The following PPTC7 variants were observed in gnomAD, a reference collection of about 807,000 sequenced individuals.
The protein encoded by PPTC7 is protein phosphatase targeting COQ7, also known as protein phosphatase PTC7 homolog.
A neutral mutation model predicts 30.8 loss-of-function variants in PPTC7; 6 were observed. The observed-to-expected ratio is 0.19, with a 90% CI of 0.11 to 0.38. The LOEUF (loss-of-function observed/expected upper bound fraction) is 0.38. Among genes scored for constraint, PPTC7 ranks in the 10% least tolerant of loss-of-function variants. The pLI, the probability that PPTC7 is intolerant of heterozygous loss-of-function variation, is 1.00. For missense variants in PPTC7, 218 were observed against 404.8 expected, an observed-to-expected ratio of 0.54 and a Z score of 3.96; for synonymous variants, 163 against 168.1, an observed-to-expected ratio of 0.97 and a Z score of 0.23.
At chr12:110,573,372 A>G (rs1476432380) in intron 1 of PPTC7, among the ~76,000 whole-genome samples, 1 of 152,228 alleles carries the variant, frequency 6.6e-6, no homozygotes, top group Non-Finnish European at 1.5e-5. Context: ...GATGGGCTAT[A>G]CATGCAGGAG....
intron 1 of PPTC7, among the ~76,000 whole-genome samples, chr12:110,570,799 C>A (rs1009372833): frequency 1.3e-5 from 2 of 150,242 alleles, no homozygotes; most frequent in Non-Finnish European, 3.0e-5. Context: ...CCTGACACAT[C>A]CCCCTCTTTG....
chr12:110,582,322 G>A (rs923561101), intron 1 of PPTC7, among the ~76,000 whole-genome samples: 2 of 152,238 alleles, frequency 1.3e-5, no homozygotes, highest in African/African-American at 4.8e-5. Context: ...AAAGAATACG[G>A]CCGGGCTGTC....
chr12:110,543,460 G>A (rs1441232187), intron 3 of PPTC7, among the ~76,000 whole-genome samples: 2 of 151,626 alleles, frequency 1.3e-5, no homozygotes, highest in Non-Finnish European at 2.9e-5. Flanking sequence ...GAAAAAGACT[G>A]TAAAACTGGG....
chr12:110,576,720 A>C (rs2064591877), intron 1 of PPTC7, among the ~76,000 whole-genome samples: 1 of 151,706 alleles, frequency 6.6e-6, no homozygotes, highest in African/African-American at 2.4e-5. Flanking sequence ...GTGACTGCTA[A>C]TGGATAGGGG....
In PPTC7 at chr12:110,558,108, A is replaced by G. The variant is rs2064404383; in HGVS notation, c.224-6140T>C. On this transcript the variant is annotated intron_variant, in intron 1 of 5. Transcript: ENST00000354300. ...TGGGGAATTAGAAAATATTGATTAGATTATTCTACAGTTGGCAAGGGTGTG... is the reference window on the plus strand; with the variant it reads ...TGGGGAATTAGAAAATATTGATTAGGTTATTCTACAGTTGGCAAGGGTGTG... Among the ~76,000 whole-genome samples the G allele has an allele frequency of 3.3e-5, 5 of 152,220 alleles. 1 individual carries two copies. The highest frequency in any genetic ancestry group is 7.3e-5 in the Non-Finnish European group (5 of 68,044).
intron 1 of PPTC7, among the ~76,000 whole-genome samples, chr12:110,558,847 C>T (rs1565922332): frequency 2.6e-5 from 4 of 152,174 alleles, no homozygotes; most frequent in Admixed American, 2.6e-4. Context: ...ACTTCATGAT[C>T]CGCCCGCCTC....
intron 1 of PPTC7, among the ~76,000 whole-genome samples, chr12:110,570,114 T>C (rs2064521118): frequency 6.6e-6 from 1 of 151,868 alleles, no homozygotes; most frequent in Non-Finnish European, 1.5e-5. Flanking sequence ...CTCCATTTTG[T>C]TATGTACTAA....
intron 3 of PPTC7, among the ~76,000 whole-genome samples, chr12:110,541,685 A>G (rs1334752223): frequency 1.4e-5 from 2 of 141,392 alleles, no homozygotes; most frequent in African/African-American, 5.5e-5. Context: ...GGGCAACGAG[A>G]GCTAAACTCC....
chr12:110,544,194 CGGT>C (rs1565917569), intron 3 of PPTC7, among the ~76,000 whole-genome samples: 16 of 152,236 alleles, frequency 1.1e-4, no homozygotes, highest in African/African-American at 3.6e-4. Context: ...AGACTTTTAC[CGGT>C]AAAAGTTACT....
Position 110,533,629 on chromosome 12 carries a change from A to C in PPTC7, c.*3408T>G, listed in dbSNP as rs895693275. On this transcript the variant is annotated 3_prime_UTR_variant, in exon 6 of 6. Coordinates refer to ENST00000354300, the MANE Select transcript of PPTC7 (RefSeq NM_139283.2). ...ACTGTAAAATTTTTAAAATGCAAAAATGTGATACAGTTTCCAGAGAAACTG... is the reference window on the plus strand; with the variant it reads ...ACTGTAAAATTTTTAAAATGCAAAACTGTGATACAGTTTCCAGAGAAACTG... 6.6e-6 allele frequency: 1 copy of C among 151,982 alleles called. No individual in the cohort carries two copies. Among genetic ancestry groups the C allele is most frequent in the Admixed American group, 6.5e-5 (1 of 15,294 alleles). 9.4% of individuals were successfully genotyped at this position (151,982 alleles called of 1,614,324 possible).
Position 110,538,134 on chromosome 12 carries a change from G to C in PPTC7, c.856+10C>G. On this transcript the variant is annotated intron_variant, in intron 5 of 5. Coordinates refer to ENST00000354300, the MANE Select transcript of PPTC7 (RefSeq NM_139283.2). Reference sequence around the variant, plus strand: ...AGTCAGTCCCTATGACCTTCCCAAAGAATGCTTACCTCTCACATTCAATCC... The same window carrying C: ...AGTCAGTCCCTATGACCTTCCCAAACAATGCTTACCTCTCACATTCAATCC... 3.7e-6 allele frequency: 6 copies of C among 1,613,632 alleles called. No individual in the cohort carries two copies. Among genetic ancestry groups the C allele is most frequent in the Non-Finnish European group, 5.1e-6 (6 of 1,179,764 alleles).
intron 1 of PPTC7, among the ~76,000 whole-genome samples, chr12:110,552,839 G>A (rs976303310): frequency 6.6e-6 from 1 of 152,168 alleles, no homozygotes; most frequent in African/African-American, 2.4e-5. Context: ...ACTCCAGCCT[G>A]GGCAATGGGG....
rs539240018 is a variant in PPTC7, at chr12:110,581,488, TG to T, written c.223+1320del. ...TAAATGTATCAGGGAAGACAGCCAC[TG>T]ACAGCTGACTTCGGGGTGGATTTGT... On this transcript the variant is annotated intron_variant, in intron 1 of 5. Transcript: ENST00000354300. Among the ~76,000 whole-genome samples the T allele has an allele frequency of 1.2e-4, 19 of 152,204 alleles. No individual in the cohort carries two copies. The East Asian group carries it at 3.5e-3, about 28-fold the overall frequency.
At chr12:110,572,393 A>ACCACGCCATTGCACTCCTG (rs1167588842) in intron 1 of PPTC7, among the ~76,000 whole-genome samples, 1 of 152,196 alleles carries the variant, frequency 6.6e-6, no homozygotes, top group Non-Finnish European at 1.5e-5. Context: ...GTGAGCCAAG[A>ACCACGCCATTGCACTCCTG]CCACGCCATT....
chr12:110,565,350 A>G (rs1180365920), intron 1 of PPTC7, among the ~76,000 whole-genome samples: 2 of 150,982 alleles, frequency 1.3e-5, no homozygotes, highest in African/African-American at 2.4e-5. Context: ...TCCGCCTCCC[A>G]GGTTCAAGCG....
chr12:110,538,111 T>G, intron 5 of PPTC7, 33 bp downstream of exon 5: 1 of 1,609,744 alleles, frequency 6.2e-7, no homozygotes, highest in Non-Finnish European at 8.5e-7. Context: ...ATGTCCCCAG[T>G]CAGTCCCTAT....
rs369510459 is a variant in PPTC7 at position 110,539,746 on chromosome 12, A to C, written c.726+76T>G. ...GTTCTTTCCAAAACTACAAAGAGAT[A>C]ATGCAACTGAATCCATAAAACTCAG... is the stretch of plus-strand genomic sequence containing the variant. On this transcript the variant is annotated intron_variant, in intron 4 of 5. Transcript: ENST00000354300. The C allele has an allele frequency of 1.5e-4, 196 of 1,321,790 alleles. No homozygotes were observed. In the South Asian group the frequency reaches 2.3e-3, roughly 15 times the overall value. 81.9% of individuals were successfully genotyped at this position (1,321,790 alleles called of 1,614,324 possible).
chr12:110,546,307 A>G (rs1290281311), intron 2 of PPTC7: 3 of 530,738 alleles, frequency 5.7e-6, no homozygotes, highest in African/African-American at 3.8e-5. Flanking sequence ...TAATTGGGCC[A>G]CAGATGATCT....
chr12:110,547,408 T>C (rs534187884), intron 2 of PPTC7, among the ~76,000 whole-genome samples: 3 of 152,336 alleles, frequency 2.0e-5, no homozygotes, highest in East Asian at 1.9e-4. Context: ...AAGTACCTCA[T>C]AGAATTTTTC....
Sources: gnomAD v4.1 joint callset for allele counts (sites outside exome capture counted in the v4.1 genomes callset) on GRCh38, gnomAD v4.1.1 for gene constraint, MANE v1.5 for transcripts, NCBI Gene and HGNC (gene_info 2026-07-23, HGNC 2026-07-21) for gene names.